Variants in ABCG2 observed in about 807,000 individuals in gnomAD.
ABCG2 encodes the protein ATP binding cassette subfamily G member 2 (JR blood group), also known as broad substrate specificity ATP-binding cassette transporter ABCG2.
ABCG2 carries 80 observed loss-of-function variants against 73.5 expected under a neutral mutation model. That is an observed-to-expected ratio of 1.09 (90% CI 0.91 to 1.31). The LOEUF (loss-of-function observed/expected upper bound fraction) is 1.31. ABCG2 is among the 50% of genes most tolerant of loss of function. The pLI, the probability that ABCG2 is intolerant of heterozygous loss-of-function variation, is 0.00. For synonymous variants in ABCG2, 269 were observed against 282.4 expected (o/e 0.95, Z 0.48); for missense variants, 796 against 786.2 (o/e 1.01, Z -0.15).
intron 1 of ABCG2, among the ~76,000 whole-genome samples, chr4:88,174,908 A>T (rs1258169402): frequency 1.3e-5 from 2 of 152,144 alleles, no homozygotes; most frequent in Non-Finnish European, 2.9e-5. Flanking sequence ...TTTTTGTATA[A>T]GGTGTAAGGA....
chr4:88,221,865 G>A (rs1379560555), intron 1 of ABCG2, among the ~76,000 whole-genome samples: 2 of 152,336 alleles, frequency 1.3e-5, no homozygotes, highest in African/African-American at 4.8e-5. Context: ...TTATTCTGGG[G>A]AGAAATTCAA....
intron 1 of ABCG2, among the ~76,000 whole-genome samples, chr4:88,216,351 G>A (rs377481362): frequency 1.1e-4 from 16 of 152,180 alleles, no homozygotes; most frequent in Non-Finnish European, 1.6e-4. Flanking sequence ...TTTGTGCCGC[G>A]TGTACATCCA....
chr4:88,126,289 C>A (rs1039591717), intron 5 of ABCG2, among the ~76,000 whole-genome samples: 2 of 152,102 alleles, frequency 1.3e-5, no homozygotes, highest in African/African-American at 4.8e-5. Context: ...TAATTAATAG[C>A]CTACCAACCA....
At chr4:88,194,518 C>G (rs1040480496) in intron 1 of ABCG2, among the ~76,000 whole-genome samples, 1 of 132,910 alleles carries the variant, frequency 7.5e-6, no homozygotes, top group South Asian at 2.3e-4. Flanking sequence ...CCACTGCACT[C>G]CAGCCTGGGC....
intron 2 of ABCG2, among the ~76,000 whole-genome samples, chr4:88,138,082 C>T (rs956717021): frequency 1.1e-4 from 16 of 152,118 alleles, no homozygotes; most frequent in Non-Finnish European, 1.8e-4. Context: ...GGAGTTGGAG[C>T]TTAGAGTGAG....
In ABCG2 at chr4:88,107,082, CATTT is replaced by C. The variant is rs1315512089; in HGVS notation, c.1277+98_1277+101del. 1.2e-5 allele frequency: 10 copies of C among 857,604 alleles called. No individual in the cohort carries two copies. The Admixed American group carries it at 2.6e-4, about 22-fold the overall frequency. 53.1% of individuals were successfully genotyped at this position (857,604 alleles called of 1,614,324 possible). ...CATCCTACCCTCAATAAAAGAATGA[CATTT>C]ACACTATACTTGTCTTAAATTCAAA... On this transcript the variant is annotated intron_variant, in intron 10 of 15. Transcript: ENST00000237612.
chr4:88,158,960 G>C (rs1727153888), upstream of ABCG2: 1 of 347,876 alleles, frequency 2.9e-6, no homozygotes, highest in Non-Finnish European at 5.6e-6. Context: ...GTTCGCGGGC[G>C]GGGGTGAGGC....
chr4:88,151,734 A>C (rs983200030), intron 1 of ABCG2, among the ~76,000 whole-genome samples: 4 of 150,310 alleles, frequency 2.7e-5, no homozygotes, highest in Admixed American at 2.6e-4. Flanking sequence ...GTGAGACTCC[A>C]TCTCAAAAAA....
At chr4:88,166,586 G>C (rs1258777656) in intron 1 of ABCG2, among the ~76,000 whole-genome samples, 1 of 152,148 alleles carries the variant, frequency 6.6e-6, no homozygotes, top group African/African-American at 2.4e-5. Context: ...ATGAGACATA[G>C]AGCTCGCACA....
At chr4:88,194,377 C>G (rs1728843363) in intron 1 of ABCG2, among the ~76,000 whole-genome samples, 1 of 151,626 alleles carries the variant, frequency 6.6e-6, no homozygotes, top group East Asian at 2.0e-4. Context: ...GGTTAAACCC[C>G]GTCTCTACTA....
At chr4:88,190,789 G>A (rs777847224) in intron 1 of ABCG2, among the ~76,000 whole-genome samples, 1 of 152,066 alleles carries the variant, frequency 6.6e-6, no homozygotes, top group Non-Finnish European at 1.5e-5. Context: ...TATACAACAT[G>A]TACACATTTT....
chr4:88,145,028 AAC>A (rs1346091392), intron 1 of ABCG2, among the ~76,000 whole-genome samples: 2 of 150,758 alleles, frequency 1.3e-5, no homozygotes, highest in African/African-American at 4.9e-5. Context: ...GCCCAGCTGG[AAC>A]TACTGCATTT....
chr4:88,113,487 A>C lies in ABCG2; in HGVS notation c.1010T>G (p.Val337Gly), dbSNP rs759640878. 6.2e-7 allele frequency: 1 copy of C among 1,614,106 alleles called. No individual in the cohort carries two copies. Among genetic ancestry groups the C allele is most frequent in the Non-Finnish European group, 8.5e-7 (1 of 1,180,020 alleles). ...PLIEKLAEIY[V>G]NSSFYKETKA... is the part of the protein sequence containing the mutation. ...TGTCTCTTTGTAGAAGGAGGAGTTG[A>C]CATAAATCTCCGCTAATTTTTCTAT... is the stretch of plus-strand genomic sequence containing the variant. The change falls in exon 9 of 16, where the codon GTC (valine) becomes GGC (glycine). Residue 337 changes from valine to glycine, a missense_variant. Physicochemically the swap from Val to Gly is moderately radical, Grantham distance 109. Transcript: ENST00000237612.
intron 1 of ABCG2, among the ~76,000 whole-genome samples, chr4:88,176,781 T>C (rs2110097018): frequency 1.3e-5 from 2 of 151,760 alleles, no homozygotes; most frequent in East Asian, 3.9e-4. Flanking sequence ...TATAAGCCAC[T>C]GTACCCACCC....
intron 1 of ABCG2, among the ~76,000 whole-genome samples, chr4:88,141,306 C>T (rs545230104): frequency 6.6e-6 from 1 of 152,144 alleles, no homozygotes; most frequent in South Asian, 2.1e-4. Context: ...CTCTGCATTC[C>T]GCGTGCCCTT....
intron 1 of ABCG2, among the ~76,000 whole-genome samples, chr4:88,207,701 T>C (rs1002440401): frequency 1.4e-4 from 21 of 152,196 alleles, no homozygotes; most frequent in African/African-American, 4.8e-4. Context: ...TGCCCCAGTA[T>C]ACCTGGCTAA....
At chr4:88,210,184 TACACAC>T (rs36209812) in intron 1 of ABCG2, among the ~76,000 whole-genome samples, 6,976 of 149,494 alleles carry the variant, frequency 0.047, 207 homozygotes, top group Admixed American at 0.078. Context: ...TAAGTAATCC[TACACAC>T]ACACACACAC....
At chr4:88,229,294 T>G (rs970349808) in intron 1 of ABCG2, among the ~76,000 whole-genome samples, 3 of 152,124 alleles carry the variant, frequency 2.0e-5, no homozygotes, top group African/African-American at 7.2e-5. Flanking sequence ...TGACTATCAC[T>G]TGTATAGCCC....
chr4:88,226,389 T>C (rs893684408), intron 1 of ABCG2, among the ~76,000 whole-genome samples: 19 of 152,152 alleles, frequency 1.2e-4, no homozygotes, highest in African/African-American at 4.1e-4. Flanking sequence ...TGTTTGACCA[T>C]GACTAAACCT....
Sources: gnomAD v4.1 joint callset for allele counts (sites outside exome capture counted in the v4.1 genomes callset) on GRCh38, gnomAD v4.1.1 for gene constraint, MANE v1.5 for transcripts, NCBI Gene and HGNC (gene_info 2026-07-23, HGNC 2026-07-21) for gene names.